SGCZ: variants seen among roughly 807,000 people sequenced by gnomAD.
SGCZ encodes the protein sarcoglycan zeta.
Under a neutral mutation model 41.3 loss-of-function variants are expected in SGCZ, and 40 were observed. The ratio of observed to expected loss-of-function variants is 0.97; its 90% CI spans 0.75 to 1.26. The LOEUF (loss-of-function observed/expected upper bound fraction) is 1.26. SGCZ is among the 50% of genes most tolerant of loss of function. The pLI is 0.00. For missense variants in SGCZ, 552 were observed against 369.8 expected, an observed-to-expected ratio of 1.49 and a Z score of -4.04; for synonymous variants, 206 against 137.5, an observed-to-expected ratio of 1.50 and a Z score of -3.49.
At chr8:15,061,441 T>C (rs1331874291) in intron 1 of SGCZ, among the ~76,000 whole-genome samples, 2 of 151,544 alleles carry the variant, frequency 1.3e-5, no homozygotes, top group African/African-American at 2.4e-5. Flanking sequence ...ACATGAGGGA[T>C]TGATGGGTCC....
intron 2 of SGCZ, among the ~76,000 whole-genome samples, chr8:14,348,044 C>A (rs1490401864): frequency 2.0e-5 from 3 of 152,044 alleles, no homozygotes; most frequent in Non-Finnish European, 2.9e-5. Context: ...AGGGGTACAT[C>A]TTACAAGAAA....
At chr8:14,191,832 T>C (rs1430854239) in intron 4 of SGCZ, among the ~76,000 whole-genome samples, 2 of 152,204 alleles carry the variant, frequency 1.3e-5, no homozygotes, top group Non-Finnish European at 2.9e-5. Flanking sequence ...TGCTTCTTTC[T>C]ATGATTCTTT....
At chr8:14,690,090 T>C (rs1808750446) in intron 1 of SGCZ, among the ~76,000 whole-genome samples, 1 of 150,462 alleles carries the variant, frequency 6.6e-6, no homozygotes, top group Non-Finnish European at 1.5e-5. Context: ...CAAATATTTC[T>C]AAGTAAATTG....
intron 4 of SGCZ, among the ~76,000 whole-genome samples, chr8:14,169,310 A>G (rs914283858): frequency 2.6e-5 from 4 of 152,060 alleles, no homozygotes; most frequent in African/African-American, 4.8e-5. Flanking sequence ...CCATCCTCCT[A>G]AGACCCTTGG....
intron 4 of SGCZ, among the ~76,000 whole-genome samples, chr8:14,228,318 T>C (rs1360977550): frequency 6.6e-6 from 1 of 152,104 alleles, no homozygotes; most frequent in Non-Finnish European, 1.5e-5. Context: ...TAATTTCAGA[T>C]AAGGTATGTA....
chr8:14,976,692 G>A (rs937140499), intron 1 of SGCZ, among the ~76,000 whole-genome samples: 1 of 152,132 alleles, frequency 6.6e-6, no homozygotes, highest in Non-Finnish European at 1.5e-5. Context: ...TAGATACAGA[G>A]TACAAAAATA....
At chr8:14,795,619 GC>G (rs1244325393) in intron 1 of SGCZ, among the ~76,000 whole-genome samples, 1 of 151,954 alleles carries the variant, frequency 6.6e-6, no homozygotes, top group Non-Finnish European at 1.5e-5. Context: ...TGCAAATTAA[GC>G]CCTCATATTA....
At chr8:14,232,279 C>T (rs915097417) in intron 4 of SGCZ, among the ~76,000 whole-genome samples, 21 of 151,938 alleles carry the variant, frequency 1.4e-4, no homozygotes, top group Admixed American at 1.1e-3. Flanking sequence ...CTTCATAAAC[C>T]TTCTTGGACA....
chr8:14,752,180 T>C (rs1390500632), intron 1 of SGCZ, among the ~76,000 whole-genome samples: 1 of 150,886 alleles, frequency 6.6e-6, no homozygotes, highest in Non-Finnish European at 1.5e-5. Flanking sequence ...ACTTTACATT[T>C]CCTTGCATCA....
chr8:14,225,926 A>C (rs2117134235), intron 4 of SGCZ, among the ~76,000 whole-genome samples: 1 of 152,198 alleles, frequency 6.6e-6, no homozygotes, highest in South Asian at 2.1e-4. Flanking sequence ...CTCTGAAAGA[A>C]ATAAAGTTAC....
At chr8:14,380,907 T>C (rs1220329440) in intron 2 of SGCZ, among the ~76,000 whole-genome samples, 1 of 152,058 alleles carries the variant, frequency 6.6e-6, no homozygotes, top group African/African-American at 2.4e-5. Flanking sequence ...AAGTAAAAAG[T>C]AAAACTACCT....
At chr8:15,156,411 G>A (rs268417) in intron 1 of SGCZ, among the ~76,000 whole-genome samples, 1 of 152,194 alleles carries the variant, frequency 6.6e-6, no homozygotes, top group African/African-American at 2.4e-5. Context: ...CTTGCCAATC[G>A]TGACAAGAAA....
chr8:14,980,493 G>A (rs977737853), intron 1 of SGCZ, among the ~76,000 whole-genome samples: 8 of 152,262 alleles, frequency 5.3e-5, no homozygotes, highest in Middle Eastern at 3.4e-3. Flanking sequence ...AGACATAACC[G>A]AGACTGGTCA....
At chr8:14,376,402 T>C (rs911433837) in intron 2 of SGCZ, among the ~76,000 whole-genome samples, 1 of 152,194 alleles carries the variant, frequency 6.6e-6, no homozygotes. Flanking sequence ...TGACTTTATT[T>C]TGAACACTGT....
intron 1 of SGCZ, among the ~76,000 whole-genome samples, chr8:15,198,616 T>G (rs994089990): frequency 6.6e-6 from 1 of 152,220 alleles, no homozygotes; most frequent in African/African-American, 2.4e-5. Context: ...AGATGTTAAC[T>G]GTATGCTCTA....
chr8:14,431,102 T>C (rs956244545), intron 2 of SGCZ, among the ~76,000 whole-genome samples: 5 of 152,096 alleles, frequency 3.3e-5, no homozygotes, highest in African/African-American at 1.2e-4. Flanking sequence ...ATTGTGAAAA[T>C]GACCTCACTA....
intron 1 of SGCZ, among the ~76,000 whole-genome samples, chr8:15,085,700 T>A (rs1429951742): frequency 1.3e-5 from 2 of 152,198 alleles, no homozygotes; most frequent in Non-Finnish European, 2.9e-5. Context: ...CTGGATATTC[T>A]ACCCACCAAC....
intron 1 of SGCZ, among the ~76,000 whole-genome samples, chr8:14,740,797 C>A (rs889169769): frequency 6.6e-6 from 1 of 151,970 alleles, no homozygotes; most frequent in South Asian, 2.1e-4. Flanking sequence ...ACCATAATTT[C>A]TTTAAGTTAT....
At position 14,769,053 on chromosome 8, in the gene SGCZ, G is replaced by A. The variant is rs184659774; in HGVS notation, c.40-214127C>T. On this transcript the variant is annotated intron_variant, in intron 1 of 7. Coordinates refer to ENST00000382080, the MANE Select transcript of SGCZ (RefSeq NM_139167.4). ...CACACACACACACAAACACACACCCGTCATCTGGTAGGTAGAAAAAAGGCA... is the reference window on the plus strand; with the variant it reads ...CACACACACACACAAACACACACCCATCATCTGGTAGGTAGAAAAAAGGCA... Among the ~76,000 whole-genome samples the A allele has an allele frequency of 6.0e-4, 91 of 151,732 alleles. 3 individuals carry two copies. The highest frequency in any genetic ancestry group is 2.0e-3 in the African/African-American group (81 of 41,394).
Sources: allele counts gnomAD v4.1 joint callset (sites outside exome capture counted in the v4.1 genomes callset), GRCh38; gene constraint gnomAD v4.1.1; transcripts MANE v1.5; gene names NCBI Gene and HGNC (gene_info 2026-07-23, HGNC 2026-07-21).